SMARCA2: variants seen among roughly 807,000 people sequenced by gnomAD.
SMARCA2 encodes SWI/SNF-related matrix-associated actin-dependent regulator of chromatin subfamily A member 2.
In SMARCA2, 61 loss-of-function variants were observed where a neutral mutation model predicts 199.8. The observed-to-expected ratio is 0.31, with a 90% CI of 0.25 to 0.38. The LOEUF (loss-of-function observed/expected upper bound fraction) is 0.38, where lower values mean the gene tolerates loss of function less well. SMARCA2 is among the 10% of genes least tolerant of loss of function. SMARCA2 has a pLI of 1.00. For missense variants in SMARCA2, 1,344 were observed against 2,012.2 expected (o/e 0.67, Z 6.35); for synonymous variants, 935 against 732.0 (o/e 1.28, Z -4.48).
At chr9:2,168,064 C>G (rs1338153312) in intron 28 of SMARCA2, among the ~76,000 whole-genome samples, 2 of 141,250 alleles carry the variant, frequency 1.4e-5, no homozygotes, top group African/African-American at 5.4e-5. Context: ...CAGTTTCGCT[C>G]TTGTTGCCCA....
At chr9:2,165,377 C>T (rs1825885728) in intron 28 of SMARCA2, among the ~76,000 whole-genome samples, 1 of 152,106 alleles carries the variant, frequency 6.6e-6, no homozygotes, top group East Asian at 1.9e-4. Context: ...GTGTTCGTTG[C>T]TTTTTAGTCA....
intron 8 of SMARCA2, among the ~76,000 whole-genome samples, chr9:2,059,386 C>T (rs1350822360): frequency 6.6e-6 from 1 of 152,078 alleles, no homozygotes; most frequent in Non-Finnish European, 1.5e-5. Flanking sequence ...CCTCTGTGTG[C>T]AGGTACTACT....
intron 1 of SMARCA2, among the ~76,000 whole-genome samples, chr9:2,020,781 T>C (rs908924411): frequency 1.3e-5 from 2 of 152,176 alleles, no homozygotes; most frequent in Non-Finnish European, 2.9e-5. Context: ...CAGAAAAACA[T>C]ACAATAGAGC....
intron 21 of SMARCA2, among the ~76,000 whole-genome samples, chr9:2,099,990 A>G (rs1007494771): frequency 2.6e-5 from 4 of 152,112 alleles, no homozygotes; most frequent in Non-Finnish European, 5.9e-5. Flanking sequence ...CATCCTGTTA[A>G]TTTTGCCACA....
chr9:2,022,632 T>C (rs138903696), intron 1 of SMARCA2, among the ~76,000 whole-genome samples: 6 of 152,264 alleles, frequency 3.9e-5, no homozygotes, highest in African/African-American at 1.2e-4. Flanking sequence ...TAACCACAGG[T>C]TTTTAAAGTA....
At position 2,016,131 on chromosome 9, in the gene SMARCA2, T is replaced by G. The variant is rs1818344384; in HGVS notation, c.-37+727T>G. 1 of 152,538 alleles carries G rather than the reference T, an allele frequency of 6.6e-6. No individual in the cohort carries two copies. The highest frequency in any genetic ancestry group is 6.5e-5 in the Admixed American group (1 of 15,304). The allele number at this position is 152,538 out of a possible 1,614,324, so 9.4% of individuals were successfully genotyped here. On this transcript the variant is annotated intron_variant, in intron 1 of 33. Transcript: ENST00000349721. This position sits in a 1 kb window ranked among gnomAD's most constrained non-coding sequence, Gnocchi z 5.6. ...GACGCGCGAAGGAGGTAGCGGCCAC[T>G]GCCGCGGGGCCGGTGCGTGCCTGAT...
chr9:2,018,187 AG>A (rs1393908866), intron 1 of SMARCA2: 1 of 152,244 alleles, frequency 6.6e-6, no homozygotes, highest in East Asian at 1.9e-4. Flanking sequence ...TAAGGGAATG[AG>A]GAAGGCTTGG....
chr9:2,168,482 T>G (rs574887797), intron 28 of SMARCA2, among the ~76,000 whole-genome samples: 3 of 152,302 alleles, frequency 2.0e-5, no homozygotes, highest in Admixed American at 2.0e-4. Context: ...ATCAGCCCAT[T>G]CTCCAGAAGG....
intron 15 of SMARCA2, among the ~76,000 whole-genome samples, chr9:2,082,309 GTGTGT>G (rs1563756162): frequency 1.1e-4 from 4 of 35,412 alleles, no homozygotes; most frequent in East Asian, 7.9e-4. Flanking sequence ...GGGGAAAGGT[GTGTGT>G]GTGTGTGTGT....
At chr9:2,146,833 G>T (rs1040884475) in intron 27 of SMARCA2, among the ~76,000 whole-genome samples, 2 of 152,132 alleles carry the variant, frequency 1.3e-5, no homozygotes, top group African/African-American at 4.8e-5. Context: ...AGGGCCACCA[G>T]AGGTCACTCT....
intron 19 of SMARCA2, among the ~76,000 whole-genome samples, chr9:2,094,354 T>C (rs1028052298): frequency 2.0e-5 from 3 of 152,212 alleles, no homozygotes; most frequent in African/African-American, 7.2e-5. Flanking sequence ...GGCATCCCTG[T>C]CTCCATGGTA....
At chr9:2,135,745 G>C (rs1824166479) in intron 27 of SMARCA2, among the ~76,000 whole-genome samples, 1 of 152,186 alleles carries the variant, frequency 6.6e-6, no homozygotes, top group Non-Finnish European at 1.5e-5. Flanking sequence ...GTTTCGCCAT[G>C]TTGGTCAGCC....
At position 2,185,320 on chromosome 9, in the gene SMARCA2, G is replaced by GTAA. The variant is rs142751113; in HGVS notation, c.4462-775_4462-773dup. On this transcript the variant is annotated intron_variant, in intron 31 of 33. Transcript: ENST00000349721. ...TGGCTTATGCACTTATGGACTTAGCGTAACAATCCTCCAGTTACAGGATTT... is the reference window on the plus strand; with the variant it reads ...TGGCTTATGCACTTATGGACTTAGCGTAATAACAATCCTCCAGTTACAGGATTT... 5.4e-3 allele frequency among the ~76,000 whole-genome samples: 816 copies of GTAA among 152,284 alleles called. 12 individuals carry two copies. Among genetic ancestry groups the GTAA allele is most frequent in the African/African-American group, 0.019 (786 of 41,542 alleles).
intron 9 of SMARCA2, among the ~76,000 whole-genome samples, chr9:2,064,963 T>G (rs974245134): frequency 1.3e-5 from 2 of 152,276 alleles, no homozygotes; most frequent in Admixed American, 6.5e-5. Flanking sequence ...GGCGGGCGGA[T>G]CACGAAGTCA....
chr9:2,052,236 G>A (rs747628043), intron 5 of SMARCA2, among the ~76,000 whole-genome samples: 10 of 152,266 alleles, frequency 6.6e-5, no homozygotes, highest in Non-Finnish European at 1.2e-4. Context: ...CACTTCGGGA[G>A]GCCGATGCCT....
rs1182273428 is a variant in SMARCA2, at chr9:2,033,016, C to G, written c.290C>G (p.Thr97Ser). ...ATCCATTGTGGATCCATGAAGGGCA[C>G]TGGTATGCGACCACCTCACCCAGGC... is the stretch of plus-strand genomic sequence containing the variant. ...EDIHCGSMKG[T>S]GMRPPHPGMG... The change falls in exon 3 of 34, where the codon ACT becomes AGT. Residue 97 changes from threonine to serine, a missense_variant. By Grantham distance (58) the Thr-to-Ser change is moderately conservative (BLOSUM62 1). Transcript: ENST00000349721. 3.1e-6 allele frequency: 5 copies of G among 1,613,958 alleles called. No homozygotes were observed. The highest frequency in any genetic ancestry group is 4.2e-6 in the Non-Finnish European group (5 of 1,179,826).
At chr9:2,061,720 A>G (rs1231735539) in intron 9 of SMARCA2, among the ~76,000 whole-genome samples, 10 of 152,326 alleles carry the variant, frequency 6.6e-5, no homozygotes, top group Non-Finnish European at 1.3e-4. Flanking sequence ...GCCAGGTACA[A>G]ACATCAACTG....
chr9:2,146,398 T>C (rs935578485), intron 27 of SMARCA2, among the ~76,000 whole-genome samples: 1 of 152,116 alleles, frequency 6.6e-6, no homozygotes, highest in Non-Finnish European at 1.5e-5. Flanking sequence ...ATGGGTAGGA[T>C]CAGATCATAG....
chr9:2,180,080 G>A (rs181057613), intron 29 of SMARCA2, among the ~76,000 whole-genome samples: 10 of 152,228 alleles, frequency 6.6e-5, no homozygotes, highest in East Asian at 3.9e-4. Flanking sequence ...CGCATTTCTC[G>A]AAGAGATGTG....
Sources: gnomAD v4.1 joint callset for allele counts (sites outside exome capture counted in the v4.1 genomes callset) on GRCh38, gnomAD v4.1.1 for gene constraint, Gnocchi (gnomAD v3.1) non-coding constraint, MANE v1.5 for transcripts, NCBI Gene and HGNC (gene_info 2026-07-23, HGNC 2026-07-21) for gene names.